The following STRIP2 variants were observed in gnomAD, a reference collection of about 807,000 sequenced individuals.
STRIP2 encodes striatin-interacting protein 2.
In STRIP2, 84 loss-of-function variants were observed where a neutral mutation model predicts 107.1. The ratio of observed to expected loss-of-function variants is 0.78; its 90% CI spans 0.66 to 0.94. The LOEUF (loss-of-function observed/expected upper bound fraction) is 0.94, where lower values mean the gene tolerates loss of function less well. Among genes scored for constraint, STRIP2 ranks in the 40% least tolerant of loss-of-function variants. The probability of loss-of-function intolerance (pLI) is 0.00; values close to 1 mark genes in which losing one functional copy is unlikely to be tolerated. For synonymous variants in STRIP2, 394 were observed against 400.4 expected (o/e 0.98, Z 0.19); for missense variants, 888 against 1,034.2 (o/e 0.86, Z 1.94).
At chr7:129,484,889 C>T (rs896101327) in intron 20 of STRIP2, among the ~76,000 whole-genome samples, 2 of 152,200 alleles carry the variant, frequency 1.3e-5, no homozygotes, top group African/African-American at 4.8e-5. Context: ...CATGAGAGAT[C>T]TGGGAGATTT....
At chr7:129,481,263 C>G (rs1038941218) in intron 19 of STRIP2, among the ~76,000 whole-genome samples, 2 of 152,068 alleles carry the variant, frequency 1.3e-5, no homozygotes, top group African/African-American at 4.8e-5. Context: ...CTTTGGGAAG[C>G]CGAGGCGGGC....
chr7:129,445,935 G>T (rs1355977421), intron 3 of STRIP2, among the ~76,000 whole-genome samples: 1 of 152,160 alleles, frequency 6.6e-6, no homozygotes, highest in Admixed American at 6.5e-5. Flanking sequence ...ACAAACCTCT[G>T]CCCTTTCCAT....
chr7:129,472,433 A>G (rs1259209008), intron 18 of STRIP2, among the ~76,000 whole-genome samples: 1 of 152,236 alleles, frequency 6.6e-6, no homozygotes, highest in African/African-American at 2.4e-5. Flanking sequence ...AGATTTTAAT[A>G]TTATTCAGAG....
intron 20 of STRIP2, among the ~76,000 whole-genome samples, chr7:129,484,116 TACTC>T (rs1799190360): frequency 6.6e-6 from 1 of 152,220 alleles, no homozygotes; most frequent in African/African-American, 2.4e-5. Flanking sequence ...TCCTGCAAAA[TACTC>T]ACATTCTGGA....
chr7:129,477,100 G>T (rs1010101549), intron 18 of STRIP2, among the ~76,000 whole-genome samples: 3 of 151,224 alleles, frequency 2.0e-5, no homozygotes, highest in Non-Finnish European at 4.4e-5. Flanking sequence ...AGGCAGGGAG[G>T]TTGCAGTGAG....
intron 20 of STRIP2, chr7:129,484,620 A>G (rs1323994267): frequency 1.3e-5 from 2 of 152,208 alleles, no homozygotes; most frequent in African/African-American, 4.8e-5. Context: ...TGGGAAACTC[A>G]ACTGCATAAT....
Position 129,454,557 on chromosome 7 carries a change from A to T in STRIP2, c.706+30A>T, listed in dbSNP as rs1378913742. On this transcript the variant is annotated intron_variant, in intron 7 of 20. Coordinates refer to ENST00000249344, the MANE Select transcript of STRIP2 (RefSeq NM_020704.3). ...GAAATGGCACTTGAGGAAGGTGTGG[A>T]TGGGGTGCTAATGGGAGAGGGGAAG... is the stretch of plus-strand genomic sequence containing the variant. 2.1e-6 allele frequency: 3 copies of T among 1,429,452 alleles called. No individual in the cohort carries two copies. In the East Asian group the frequency reaches 6.8e-5, roughly 32 times the overall value. 88.5% of individuals were successfully genotyped at this position (1,429,452 alleles called of 1,614,324 possible).
chr7:129,449,278 A>C (rs1229776533), intron 3 of STRIP2, among the ~76,000 whole-genome samples: 1 of 151,840 alleles, frequency 6.6e-6, no homozygotes, highest in Non-Finnish European at 1.5e-5. Flanking sequence ...AAATTAGAGG[A>C]CTCAAATAGT....
chr7:129,435,660 C>T (rs1027335730), intron 1 of STRIP2, among the ~76,000 whole-genome samples: 2 of 152,180 alleles, frequency 1.3e-5, no homozygotes, highest in Admixed American at 6.5e-5. Context: ...ACACTGCCTA[C>T]CTCAGAAGGT....
chr7:129,453,065 C>T (rs1026974585), intron 4 of STRIP2, among the ~76,000 whole-genome samples, 162 bp from the exon 5 acceptor site: 1 of 152,174 alleles, frequency 6.6e-6, no homozygotes, highest in African/African-American at 2.4e-5. Context: ...CCTCTCCTCT[C>T]CCCTGACTCA....
At chr7:129,485,474 A>T in intron 20 of STRIP2, 105 bp from the exon 21 acceptor site, 1 of 1,222,066 alleles carries the variant, frequency 8.2e-7, no homozygotes, top group Non-Finnish European at 1.1e-6. Flanking sequence ...AAAAAAAAAG[A>T]ATTTCTGAGC....
chr7:129,483,351 A>G lies in STRIP2; in HGVS notation c.2254+305A>G. 9.5e-7 allele frequency: 1 copy of G among 1,053,668 alleles called. No individual in the cohort carries two copies. The highest frequency in any genetic ancestry group is 1.2e-6 in the Non-Finnish European group (1 of 850,388). The allele number at this position is 1,053,668 out of a possible 1,614,324, so 65.3% of individuals were successfully genotyped here. ...TCTCCAAAAGATTTAAATTAAAACA[A>G]CTTTTTATTATTACAAAGCAGTTAG... On this transcript the variant is annotated intron_variant, in intron 20 of 20. Coordinates refer to ENST00000249344, the MANE Select transcript of STRIP2 (RefSeq NM_020704.3). The surrounding 1 kb of genome is among the most constrained non-coding windows in gnomAD (Gnocchi z 5.1).
Position 129,480,871 on chromosome 7 carries a change from G to T in STRIP2, c.2031G>T (p.Trp677Cys), listed in dbSNP as rs761468950. Residue 677 changes from tryptophan (W) to cysteine (C), a missense_variant, in exon 19 of 21, where the codon TGG becomes TGT. Physicochemically the swap from Trp to Cys is radical, Grantham distance 215. Transcript: ENST00000249344. ...LLRLLNKLTK[W>C]KHSRTMMLVV... ...GGCTGCTCAATAAACTGACCAAATG[G>T]AAACATTCCCGGACCATGGTGAGTG... The T allele has an allele frequency of 3.7e-6, 6 of 1,613,308 alleles. No individual in the cohort carries two copies. Among genetic ancestry groups the T allele is most frequent in the Non-Finnish European group, 4.2e-6 (5 of 1,179,748 alleles).
At chr7:129,467,755 C>G (rs1206025643) in intron 17 of STRIP2, among the ~76,000 whole-genome samples, 1 of 152,054 alleles carries the variant, frequency 6.6e-6, no homozygotes, top group Non-Finnish European at 1.5e-5. Flanking sequence ...TGTGAAACAA[C>G]CTGCTTGTCT....
In STRIP2 at chr7:129,459,587, G is replaced by A. The variant is rs1287792047; in HGVS notation, c.1404+7G>A. On this transcript the variant is annotated splice_region_variant and intron_variant, in intron 12 of 20. Transcript: ENST00000249344. Reference sequence around the variant, plus strand: ...TGTGAAGACCCTAAAGCAGGTGACTGGGGTGGGCTCTCAGTCTTCAGGGAT... The same window carrying A: ...TGTGAAGACCCTAAAGCAGGTGACTAGGGTGGGCTCTCAGTCTTCAGGGAT... 6.2e-7 allele frequency: 1 copy of A among 1,613,202 alleles called. No individual in the cohort carries two copies.
intron 2 of STRIP2, 67 bp downstream of exon 2, chr7:129,440,158 C>G (rs1584932697): frequency 7.3e-7 from 1 of 1,373,852 alleles, no homozygotes; most frequent in Non-Finnish European, 1.0e-6. Flanking sequence ...GGCCTGTGAT[C>G]TCCCTGGAAG....
chr7:129,459,608 G>A, intron 12 of STRIP2, 28 bp downstream of exon 12: 1 of 1,590,288 alleles, frequency 6.3e-7, no homozygotes, highest in Middle Eastern at 1.7e-4. Context: ...TCAGTCTTCA[G>A]GGATAGGGAG....
At position 129,482,993 on chromosome 7, in the gene STRIP2, C is replaced by T. The variant is rs144282672; in HGVS notation, c.2201C>T (p.Ala734Val). 3.7e-4 allele frequency: 604 copies of T among 1,614,048 alleles called. 1 individual carries two copies. The highest frequency in any genetic ancestry group is 4.8e-4 in the Non-Finnish European group (570 of 1,180,044). Residue 734 changes from alanine (A) to valine (V), a missense_variant, in exon 20 of 21, where the codon GCC becomes GTC. Coordinates refer to ENST00000249344, the MANE Select transcript of STRIP2 (RefSeq NM_020704.3). Reference protein sequence around the residue: ...WRKSNMKTMSAIYQKVRHRMN... With the variant: ...WRKSNMKTMSVIYQKVRHRMN... ...AAAAGCAACATGAAAACCATGTCAG[C>T]CATTTACCAGAAAGTGCGTCACCGC...
intron 18 of STRIP2, among the ~76,000 whole-genome samples, chr7:129,471,929 G>A (rs1562913498): frequency 1.3e-5 from 2 of 152,100 alleles, no homozygotes; most frequent in Non-Finnish European, 1.5e-5. Context: ...GTAATAAATT[G>A]TCTAACCCTC....
Sources: gnomAD v4.1 joint callset for allele counts (sites outside exome capture counted in the v4.1 genomes callset) on GRCh38, gnomAD v4.1.1 for gene constraint, Gnocchi (gnomAD v3.1) non-coding constraint, MANE v1.5 for transcripts, NCBI Gene and HGNC (gene_info 2026-07-23, HGNC 2026-07-21) for gene names.